Variants in ADORA2B observed in about 807,000 individuals in gnomAD.
ADORA2B encodes adenosine receptor A2b.
ADORA2B carries 18 observed loss-of-function variants against 20.8 expected under a neutral mutation model. The ratio of observed to expected loss-of-function variants is 0.87; its 90% confidence interval spans 0.60 to 1.29. The LOEUF is 1.29. Ranked by LOEUF, ADORA2B falls within the 50% of genes most tolerant of loss-of-function variation. ADORA2B has a pLI of 0.00. For missense variants in ADORA2B, 441 were observed against 422.7 expected, an observed-to-expected ratio of 1.04 and a Z score of -0.38; for synonymous variants, 179 against 178.3, an observed-to-expected ratio of 1.00 and a Z score of -0.03.
chr17:15,850,616 C>T, the ADORA2B span: 1 of 168,714 alleles, frequency 5.9e-6, no homozygotes, highest in African/African-American at 2.4e-5. Context: ...CTTAGAAGCC[C>T]CCTAAGCGAA....
chr17:15,892,639 T>C, the ADORA2B span, among the ~76,000 whole-genome samples: 2 of 148,018 alleles, frequency 1.4e-5, no homozygotes, highest in African/African-American at 5.3e-5. Context: ...TGCTTTTTTC[T>C]TTTTTTCTTT....
chr17:15,958,927 A>T (rs1970003218), intron 1 of ADORA2B, among the ~76,000 whole-genome samples: 1 of 152,214 alleles, frequency 6.6e-6, no homozygotes, highest in Admixed American at 6.5e-5. Context: ...TGTGTTGTCC[A>T]GTCACTGGCT....
the ADORA2B span, among the ~76,000 whole-genome samples, chr17:15,857,534 T>C: frequency 6.6e-6 from 1 of 152,122 alleles, no homozygotes; most frequent in Non-Finnish European, 1.5e-5. Flanking sequence ...AGAAGGGGTG[T>C]TGTACCCTGC....
the ADORA2B span, among the ~76,000 whole-genome samples, chr17:15,861,293 G>T: frequency 6.6e-6 from 1 of 152,188 alleles, no homozygotes; most frequent in African/African-American, 2.4e-5. Flanking sequence ...TCAGGGAATG[G>T]GGTGGTAATG....
chr17:15,874,244 C>T, the ADORA2B span, among the ~76,000 whole-genome samples: 2,906 of 151,714 alleles, frequency 0.019, 75 homozygotes, highest in Admixed American at 0.045. Flanking sequence ...ATCATATGTT[C>T]TCACTCATGA....
chr17:15,972,823 G>A (rs758388419), intron 1 of ADORA2B, among the ~76,000 whole-genome samples: 1 of 152,082 alleles, frequency 6.6e-6, no homozygotes, highest in African/African-American at 2.4e-5. Flanking sequence ...TGCAATCACA[G>A]CTCACTGCAG....
chr17:15,916,695 G>C, the ADORA2B span, among the ~76,000 whole-genome samples: 2 of 152,236 alleles, frequency 1.3e-5, no homozygotes, highest in Admixed American at 6.5e-5. Context: ...GTGCCAGGCT[G>C]TCTGCCTGTG....
chr17:15,906,013 C>A, the ADORA2B span, among the ~76,000 whole-genome samples: 2 of 152,234 alleles, frequency 1.3e-5, no homozygotes, highest in Non-Finnish European at 2.9e-5. Flanking sequence ...TGCATGTAAA[C>A]CCTTTGGGGT....
chr17:15,908,023 T>C, the ADORA2B span, among the ~76,000 whole-genome samples: 1 of 152,192 alleles, frequency 6.6e-6, no homozygotes, highest in African/African-American at 2.4e-5. Context: ...GAATTAGAAA[T>C]GTGGATCAAA....
chr17:15,902,422 T>C, the ADORA2B span, among the ~76,000 whole-genome samples: 2 of 152,192 alleles, frequency 1.3e-5, no homozygotes, highest in Non-Finnish European at 2.9e-5. Context: ...GGCCCCAAAC[T>C]CCTGACCTCA....
the ADORA2B span, among the ~76,000 whole-genome samples, chr17:15,900,621 A>C: frequency 2.0e-5 from 3 of 151,752 alleles, no homozygotes; most frequent in African/African-American, 7.3e-5. Flanking sequence ...TAATTAAAAA[A>C]ATTTTTTTTG....
the ADORA2B span, among the ~76,000 whole-genome samples, chr17:15,936,029 G>C: frequency 6.6e-6 from 1 of 151,944 alleles, no homozygotes; most frequent in Non-Finnish European, 1.5e-5. Context: ...ACCATGCTCA[G>C]CTAATTGTTT....
At chr17:15,892,842 C>T in the ADORA2B span, among the ~76,000 whole-genome samples, 3 of 152,020 alleles carry the variant, frequency 2.0e-5, no homozygotes, top group Non-Finnish European at 2.9e-5. Flanking sequence ...AGCTTCTCCC[C>T]GACAGTGATT....
At chr17:15,860,339 T>A in the ADORA2B span, among the ~76,000 whole-genome samples, 1 of 152,186 alleles carries the variant, frequency 6.6e-6, no homozygotes, top group Non-Finnish European at 1.5e-5. Flanking sequence ...TCTGCTTTTT[T>A]ATTGAACCGG....
At chr17:15,923,211 T>C in the ADORA2B span, among the ~76,000 whole-genome samples, 8 of 143,818 alleles carry the variant, frequency 5.6e-5, no homozygotes, top group African/African-American at 2.1e-4. Flanking sequence ...TTTTAATTTT[T>C]TTTTTTTTTT....
chr17:15,920,252 GTTAC>G, the ADORA2B span, among the ~76,000 whole-genome samples: 2 of 152,174 alleles, frequency 1.3e-5, no homozygotes, highest in Admixed American at 1.3e-4. Context: ...GGCATGAGAA[GTTAC>G]TTAATGGGTG....
chr17:15,950,702 T>C lies in ADORA2B; in HGVS notation c.335+5119T>C, dbSNP rs1345307733. Among the ~76,000 whole-genome samples, 4 of 152,182 alleles carry C rather than the reference T, an allele frequency of 2.6e-5. No individual in the cohort carries two copies. The East Asian group carries it at 7.7e-4, about 29-fold the overall frequency. On this transcript the variant is annotated intron_variant, in intron 1 of 1. Coordinates refer to ENST00000304222, the MANE Select transcript of ADORA2B (RefSeq NM_000676.4). ...AAGCCACATCATACCGTTCCCCTGCTTACCACGCTGCAGAGACACAGAGAG... is the reference window on the plus strand; with the variant it reads ...AAGCCACATCATACCGTTCCCCTGCCTACCACGCTGCAGAGACACAGAGAG...
chr17:15,904,450 G>C, the ADORA2B span, among the ~76,000 whole-genome samples: 13 of 146,422 alleles, frequency 8.9e-5, no homozygotes, highest in Admixed American at 8.3e-4. Flanking sequence ...CTGGAGTGCA[G>C]TGGTGCAGCT....
At position 15,975,231 on chromosome 17, in the gene ADORA2B, C is replaced by T; in HGVS notation, c.888C>T (p.Asp296=). ...TTGTCTATGCTTACCGGAACCGAGA[C>T]TTCCGCTACACTTTTCACAAAATTA... ...NPIVYAYRNR[D]FRYTFHKIIS... The change falls in exon 2 of 2, where the codon GAC becomes GAT. Residue 296 remains aspartate, a synonymous_variant. Coordinates refer to ENST00000304222, the MANE Select transcript of ADORA2B (RefSeq NM_000676.4). The T allele has an allele frequency of 6.2e-7, 1 of 1,614,006 alleles. No homozygotes were observed. The highest frequency in any genetic ancestry group is 8.5e-7 in the Non-Finnish European group (1 of 1,180,036).
Sources: gnomAD v4.1 joint callset for allele counts (sites outside exome capture counted in the v4.1 genomes callset) on GRCh38, gnomAD v4.1.1 for gene constraint, MANE v1.5 for transcripts, NCBI Gene and HGNC (gene_info 2026-07-23, HGNC 2026-07-21) for gene names.